COL5A2: variants seen among roughly 807,000 people sequenced by gnomAD.
COL5A2 encodes collagen type V alpha 2 chain.
A neutral mutation model predicts 208.2 loss-of-function variants in COL5A2; 23 were observed. That is an observed-to-expected ratio of 0.11 (90% CI 0.08 to 0.16). The LOEUF (loss-of-function observed/expected upper bound fraction) is 0.16. COL5A2 is among the 10% of genes least tolerant of loss of function. COL5A2 has a pLI of 1.00. For synonymous variants in COL5A2, 625 were observed against 628.5 expected (o/e 0.99, Z 0.08); for missense variants, 1,590 against 1,956.4 (o/e 0.81, Z 3.53).
the COL5A2 span, among the ~76,000 whole-genome samples, chr2:189,325,714 A>T: frequency 6.6e-6 from 1 of 152,222 alleles, no homozygotes; most frequent in African/African-American, 2.4e-5. Flanking sequence ...TAACACTTTA[A>T]AGTTTCCAAA....
chr2:189,274,005 C>T, the COL5A2 span, among the ~76,000 whole-genome samples: 1 of 144,060 alleles, frequency 6.9e-6, no homozygotes, highest in South Asian at 2.3e-4. Context: ...AGTATTCTTA[C>T]CACAAAAAAA....
At chr2:189,132,941 A>C (rs1019890364) in intron 1 of COL5A2, 1 of 152,648 alleles carries the variant, frequency 6.6e-6, no homozygotes, top group African/African-American at 2.4e-5. Flanking sequence ...TTAATAAAAC[A>C]ATATTAATTG....
chr2:189,191,177 CAA>C (rs1688922129), intron 1 of COL5A2, among the ~76,000 whole-genome samples: 2 of 68,438 alleles, frequency 2.9e-5, no homozygotes, highest in Non-Finnish European at 4.1e-5. Flanking sequence ...CAACAAAAAA[CAA>C]CAACAAAAAA....
Position 189,068,891 on chromosome 2 carries a change from G to T in COL5A2, c.1159-7C>A, listed in dbSNP as rs377321742. On this transcript the variant is annotated splice_polypyrimidine_tract_variant and splice_region_variant and intron_variant, in intron 18 of 53. Coordinates refer to ENST00000374866, the MANE Select transcript of COL5A2 (RefSeq NM_000393.5). ...CTGTAGGACCTGCTTCTCCCTAAAA[G>T]GGTGCAAAGGGAAATGTTAATTTAA... 62 of 1,573,664 alleles carry T rather than the reference G, an allele frequency of 3.9e-5. No homozygotes were observed. Among genetic ancestry groups the T allele is most frequent in the Non-Finnish European group, 5.3e-5 (61 of 1,143,966 alleles).
In COL5A2 at chr2:189,179,641, A is replaced by C. The variant is rs780293852; in HGVS notation, c.-37T>G. 2.7e-5 allele frequency: 42 copies of C among 1,573,978 alleles called. No homozygotes were observed. In the South Asian group the frequency reaches 3.8e-4, roughly 14 times the overall value. Reference sequence around the variant, plus strand: ...AGACATGTGGGTTCTCCTGAGAGTGAAAAGTAGATTCTGAGGTTATTGTAG... The same window carrying C: ...AGACATGTGGGTTCTCCTGAGAGTGCAAAGTAGATTCTGAGGTTATTGTAG... On this transcript the variant is annotated 5_prime_UTR_variant, in exon 1 of 54. Transcript: ENST00000374866.
At chr2:189,114,332 C>T (rs1051227259) in intron 1 of COL5A2, among the ~76,000 whole-genome samples, 2 of 152,076 alleles carry the variant, frequency 1.3e-5, no homozygotes, top group African/African-American at 2.4e-5. Context: ...GCAGTTTTCA[C>T]GGATCTACAT....
At chr2:189,392,865 GTATC>G in the COL5A2 span, among the ~76,000 whole-genome samples, 1 of 152,268 alleles carries the variant, frequency 6.6e-6, no homozygotes, top group Non-Finnish European at 1.5e-5. Context: ...GGCAGACTAA[GTATC>G]TACCCTAAAG....
the COL5A2 span, among the ~76,000 whole-genome samples, chr2:189,313,639 C>G: frequency 6.6e-6 from 1 of 152,100 alleles, no homozygotes; most frequent in Admixed American, 6.6e-5. Flanking sequence ...TTAAAAGACA[C>G]AGAGTGACAA....
intron 1 of COL5A2, among the ~76,000 whole-genome samples, chr2:189,153,216 G>A (rs1178463971): frequency 6.6e-6 from 1 of 152,072 alleles, no homozygotes; most frequent in Non-Finnish European, 1.5e-5. Context: ...TCCTAACTGG[G>A]CAAAAAACGT....
intron 1 of COL5A2, among the ~76,000 whole-genome samples, chr2:189,198,822 TGAAAGG>T (rs1689038123): frequency 6.6e-6 from 1 of 152,178 alleles, no homozygotes; most frequent in African/African-American, 2.4e-5. Flanking sequence ...TTTCTCAACC[TGAAAGG>T]TAAACTAAAA....
intron 1 of COL5A2, among the ~76,000 whole-genome samples, chr2:189,211,893 C>G (rs1300172783): frequency 6.6e-6 from 1 of 152,046 alleles, no homozygotes; most frequent in Non-Finnish European, 1.5e-5. Flanking sequence ...GGGTACAAAC[C>G]ACCAATAGCC....
chr2:189,388,976 G>A, the COL5A2 span, among the ~76,000 whole-genome samples: 7 of 152,100 alleles, frequency 4.6e-5, no homozygotes, highest in South Asian at 4.1e-4. Flanking sequence ...ACATTCTATC[G>A]CAAGCAAGCT....
chr2:189,124,352 C>G (rs557831502), intron 1 of COL5A2, among the ~76,000 whole-genome samples: 4 of 152,036 alleles, frequency 2.6e-5, no homozygotes, highest in African/African-American at 7.2e-5. Flanking sequence ...AAGACTATCT[C>G]CATGACATGA....
At position 189,065,066 on chromosome 2, in the gene COL5A2, G is replaced by A. The variant is rs1164669263; in HGVS notation, c.1564-9C>T. Reference sequence around the variant, plus strand: ...CGATTGCCAGGAGCACCCTACAAATGACCAAAATGTGATTCTTAATTGTTG... The same window carrying A: ...CGATTGCCAGGAGCACCCTACAAATAACCAAAATGTGATTCTTAATTGTTG... On this transcript the variant is annotated splice_polypyrimidine_tract_variant and intron_variant, in intron 23 of 53. Coordinates refer to ENST00000374866, the MANE Select transcript of COL5A2 (RefSeq NM_000393.5). 6.2e-7 allele frequency: 1 copy of A among 1,613,018 alleles called. No individual in the cohort carries two copies. Among genetic ancestry groups the A allele is most frequent in the Non-Finnish European group, 8.5e-7 (1 of 1,179,528 alleles).
chr2:189,292,267 T>C, the COL5A2 span, among the ~76,000 whole-genome samples: 4 of 152,174 alleles, frequency 2.6e-5, no homozygotes, highest in African/African-American at 9.7e-5. Flanking sequence ...CTTAGGAAAA[T>C]TGGCTCATGA....
the COL5A2 span, among the ~76,000 whole-genome samples, chr2:189,366,659 A>T: frequency 1.3e-5 from 2 of 152,200 alleles, no homozygotes; most frequent in Non-Finnish European, 2.9e-5. Flanking sequence ...ATTCAGTAAA[A>T]GTCAAACCTA....
At chr2:189,159,346 T>G (rs1317422373) in intron 1 of COL5A2, among the ~76,000 whole-genome samples, 1 of 152,204 alleles carries the variant, frequency 6.6e-6, no homozygotes, top group Non-Finnish European at 1.5e-5. Flanking sequence ...TTCTAATTCT[T>G]CTTTCTACTT....
the COL5A2 span, among the ~76,000 whole-genome samples, chr2:189,353,965 AC>A: frequency 1.3e-5 from 2 of 152,166 alleles, no homozygotes; most frequent in Non-Finnish European, 2.9e-5. Context: ...TTCCATCAAT[AC>A]CTAGTTTATT....
At chr2:189,137,280 A>G (rs1401430390) in intron 1 of COL5A2, among the ~76,000 whole-genome samples, 6 of 152,240 alleles carry the variant, frequency 3.9e-5, no homozygotes, top group Admixed American at 3.9e-4. Flanking sequence ...CTACTCTTAC[A>G]TGAGAGATGT....
Sources: gnomAD v4.1 joint callset for allele counts (sites outside exome capture counted in the v4.1 genomes callset) on GRCh38, gnomAD v4.1.1 for gene constraint, MANE v1.5 for transcripts, NCBI Gene and HGNC (gene_info 2026-07-23, HGNC 2026-07-21) for gene names.